The following LCP1 variants were observed in gnomAD, a reference collection of about 807,000 sequenced individuals.
LCP1 encodes plastin-2.
Under a neutral mutation model 72.0 loss-of-function variants are expected in LCP1, and 23 were observed. The observed-to-expected ratio is 0.32, with a 90% CI of 0.23 to 0.45. LCP1 has a LOEUF of 0.45. Ranked by LOEUF, LCP1 falls within the 20% of genes least tolerant of loss-of-function variation. LCP1 has a pLI of 1.00. For synonymous variants in LCP1, 245 were observed against 275.4 expected (o/e 0.89, Z 1.09); for missense variants, 571 against 748.3 (o/e 0.76, Z 2.76).
chr13:46,150,747 A>G (rs988227266), intron 8 of LCP1, among the ~76,000 whole-genome samples, 189 bp downstream of exon 8: 2 of 152,204 alleles, frequency 1.3e-5, no homozygotes, highest in African/African-American at 2.4e-5. Context: ...GACTCTGGGC[A>G]GGTCTGTGTA....
chr13:46,149,504 T>C (rs1221819048), intron 8 of LCP1, among the ~76,000 whole-genome samples: 3 of 152,242 alleles, frequency 2.0e-5, no homozygotes, highest in Non-Finnish European at 4.4e-5. Flanking sequence ...TCATTTCACC[T>C]GACTCTCATG....
intron 13 of LCP1, among the ~76,000 whole-genome samples, chr13:46,140,064 G>C (rs989737805): frequency 6.6e-6 from 1 of 152,182 alleles, no homozygotes; most frequent in African/African-American, 2.4e-5. Context: ...TGCAGCATAG[G>C]AGGAGAAAAC....
At chr13:46,159,824 T>C in intron 1 of LCP1, 138 bp from the exon 2 acceptor site, 4 of 622,466 alleles carry the variant, frequency 6.4e-6, no homozygotes, top group Non-Finnish European at 8.5e-6. Context: ...CTTTCCAAAA[T>C]GTAAGTCAGA....
At chr13:46,178,396 G>T (rs573345980) in intron 1 of LCP1, among the ~76,000 whole-genome samples, 1 of 152,282 alleles carries the variant, frequency 6.6e-6, no homozygotes, top group East Asian at 1.9e-4. Context: ...AAGGCAGGAA[G>T]TTGGATCAGA....
rs1461558262 is a variant in LCP1 at position 46,154,862 on chromosome 13, T to G, written c.516A>C (p.Pro172=). 6.2e-7 allele frequency: 1 copy of G among 1,614,016 alleles called. No homozygotes were observed. The highest frequency in any genetic ancestry group is 1.1e-5 in the South Asian group (1 of 91,076). ...VLCKMINLSV[P]DTIDERTINK... Reference sequence around the variant, plus strand: ...TGATTGTTCTTTCATCAATTGTGTCTGGCACTGACAGGTTGATCATTTTAC... The same window carrying G: ...TGATTGTTCTTTCATCAATTGTGTCGGGCACTGACAGGTTGATCATTTTAC... Residue 172 remains proline (P), a synonymous_variant, in exon 6 of 16, where the codon CCA becomes CCC. Transcript: ENST00000323076.
At position 46,151,047 on chromosome 13, in the gene LCP1, G is replaced by C. The variant is rs764339998; in HGVS notation, c.771C>G (p.Ser257Arg). 8.7e-6 allele frequency: 14 copies of C among 1,613,634 alleles called. No homozygotes were observed. The highest frequency in any genetic ancestry group is 3.3e-4 in the Middle Eastern group (2 of 6,082). ...GGGAGAGTTTCATCAAATCCTCCAG[G>C]CTCTCACCTTCTCTCAAAAGAGCAA... ...ALIALLREGE[S>R]LEDLMKLSPE... Residue 257 changes from serine (S) to arginine (R), a missense_variant, in exon 8 of 16, where the codon AGC becomes AGG. Transcript: ENST00000323076.
chr13:46,169,130 G>A (rs1258352070), intron 1 of LCP1, among the ~76,000 whole-genome samples: 1 of 152,202 alleles, frequency 6.6e-6, no homozygotes, highest in South Asian at 2.1e-4. Flanking sequence ...GCTGGGACCA[G>A]AGTCCAGGCC....
intron 1 of LCP1, among the ~76,000 whole-genome samples, chr13:46,180,679 T>C (rs1194301931): frequency 6.6e-6 from 1 of 152,240 alleles, no homozygotes; most frequent in East Asian, 1.9e-4. Context: ...GTTGATGCTT[T>C]AGCAATGTAA....
chr13:46,151,090 C>T lies in LCP1; in HGVS notation c.740-12G>A, dbSNP rs557013973. On this transcript the variant is annotated splice_polypyrimidine_tract_variant and intron_variant, in intron 7 of 15. Coordinates refer to ENST00000323076, the MANE Select transcript of LCP1 (RefSeq NM_002298.5). ...AAGAGCAATCAGAGCTGAAGAAGCACAAAAACCACAGAAAAATAAATGCAG... is the reference window on the plus strand; with the variant it reads ...AAGAGCAATCAGAGCTGAAGAAGCATAAAAACCACAGAAAAATAAATGCAG... 3 of 1,598,296 alleles carry T rather than the reference C, an allele frequency of 1.9e-6. No homozygotes were observed. The highest frequency in any genetic ancestry group is 1.7e-6 in the Non-Finnish European group (2 of 1,174,832).
At position 46,126,545 on chromosome 13, in the gene LCP1, AG is replaced by A. The variant is rs2045599457; in HGVS notation, c.*1045del. 4.3e-6 allele frequency: 1 copy of A among 232,056 alleles called. No homozygotes were observed. The highest frequency in any genetic ancestry group is 5.6e-5 in the Admixed American group (1 of 17,722). 14.4% of individuals were successfully genotyped at this position (232,056 alleles called of 1,614,324 possible). On this transcript the variant is annotated 3_prime_UTR_variant, in exon 16 of 16. Transcript: ENST00000323076. ...TTTAGGGGTGGCAGAAAGCTTTTAT[AG>A]TACCAAAAAAGTAAACATTGATAAT...
At chr13:46,155,465 A>G (rs2045794667) in intron 5 of LCP1, among the ~76,000 whole-genome samples, 1 of 152,214 alleles carries the variant, frequency 6.6e-6, no homozygotes, top group Non-Finnish European at 1.5e-5. Flanking sequence ...AAAAGCTAGA[A>G]TTTTGATTTT....
intron 9 of LCP1, 139 bp downstream of exon 9, chr13:46,148,213 A>G: frequency 1.6e-6 from 1 of 627,022 alleles, no homozygotes; most frequent in South Asian, 2.1e-5. Flanking sequence ...CAAACTGCTC[A>G]CAGTTTTACC....
chr13:46,135,544 T>C (rs1272316736), intron 13 of LCP1, among the ~76,000 whole-genome samples: 1 of 152,202 alleles, frequency 6.6e-6, no homozygotes, highest in Non-Finnish European at 1.5e-5. Flanking sequence ...CTGCTTCTTC[T>C]AGGTGAAAAC....
At chr13:46,144,819 T>A (rs2045720353) in intron 10 of LCP1, among the ~76,000 whole-genome samples, 1 of 152,178 alleles carries the variant, frequency 6.6e-6, no homozygotes, top group Non-Finnish European at 1.5e-5. Flanking sequence ...CTTTTAGGCA[T>A]CAAACAGAGA....
At chr13:46,149,457 C>T (rs2045750035) in intron 8 of LCP1, among the ~76,000 whole-genome samples, 1 of 152,166 alleles carries the variant, frequency 6.6e-6, no homozygotes, top group African/African-American at 2.4e-5. Flanking sequence ...ATCTGCCTGC[C>T]CTGGGTTACA....
intron 1 of LCP1, among the ~76,000 whole-genome samples, chr13:46,181,400 TG>T (rs1438018929): frequency 1.3e-5 from 2 of 152,242 alleles, no homozygotes; most frequent in African/African-American, 4.8e-5. Context: ...TCCCAGAATT[TG>T]AGTGAATATT....
chr13:46,128,407 G>A (rs935417639), intron 15 of LCP1, among the ~76,000 whole-genome samples: 13 of 152,154 alleles, frequency 8.5e-5, no homozygotes, highest in Admixed American at 5.2e-4. Flanking sequence ...GACCATCCTG[G>A]CCAACATGGT....
At chr13:46,153,736 AG>A (rs2045783825) in intron 6 of LCP1, among the ~76,000 whole-genome samples, 1 of 151,960 alleles carries the variant, frequency 6.6e-6, no homozygotes, top group African/African-American at 2.4e-5. Context: ...AATGAAAAAT[AG>A]ATACGATTAA....
chr13:46,155,540 G>A (rs2045795086), intron 5 of LCP1, among the ~76,000 whole-genome samples: 1 of 152,146 alleles, frequency 6.6e-6, no homozygotes, highest in Non-Finnish European at 1.5e-5. Context: ...AATATCAAAA[G>A]TAGAATTGCT....
Sources: gnomAD v4.1 joint callset for allele counts (sites outside exome capture counted in the v4.1 genomes callset) on GRCh38, gnomAD v4.1.1 for gene constraint, MANE v1.5 for transcripts, NCBI Gene and HGNC (gene_info 2026-07-23, HGNC 2026-07-21) for gene names.